ROBO2: variants seen among roughly 807,000 people sequenced by gnomAD.
ROBO2 encodes the protein roundabout guidance receptor 2, also known as roundabout homolog 2.
ROBO2 carries 53 observed loss-of-function variants against 160.8 expected under a neutral mutation model. The ratio of observed to expected loss-of-function variants is 0.33; its 90% confidence interval spans 0.26 to 0.41. The LOEUF (loss-of-function observed/expected upper bound fraction) is 0.41. Ranked by LOEUF, ROBO2 falls within the 10% of genes least tolerant of loss-of-function variation. ROBO2 has a pLI of 1.00. For missense variants in ROBO2, 1,577 were observed against 1,722.4 expected, an observed-to-expected ratio of 0.92 and a Z score of 1.49; for synonymous variants, 664 against 611.7, an observed-to-expected ratio of 1.09 and a Z score of -1.26.
At chr3:77,293,783 T>G (rs1196162412) in intron 2 of ROBO2, among the ~76,000 whole-genome samples, 1 of 140,992 alleles carries the variant, frequency 7.1e-6, no homozygotes, top group South Asian at 2.2e-4. Context: ...AAATTGATGG[T>G]TAAACGGGAA....
intron 2 of ROBO2, among the ~76,000 whole-genome samples, chr3:76,921,010 C>T (rs1004998319): frequency 6.6e-6 from 1 of 152,122 alleles, no homozygotes; most frequent in Admixed American, 6.6e-5. Flanking sequence ...ACAGTATTCT[C>T]TTTGTTGAGC....
intron 2 of ROBO2, among the ~76,000 whole-genome samples, chr3:76,690,680 A>C (rs1209799149): frequency 6.6e-6 from 1 of 152,030 alleles, no homozygotes; most frequent in African/African-American, 2.4e-5. Flanking sequence ...TCCCCTCTAG[A>C]TGAAAAGAGC....
chr3:77,394,247 T>C (rs2075042174), intron 2 of ROBO2, among the ~76,000 whole-genome samples: 1 of 152,202 alleles, frequency 6.6e-6, no homozygotes, highest in African/African-American at 2.4e-5. Context: ...CCTTGTTAGA[T>C]GCTTTCATGT....
intron 2 of ROBO2, among the ~76,000 whole-genome samples, chr3:76,628,486 C>G (rs2089819346): frequency 6.9e-6 from 1 of 145,956 alleles, no homozygotes; most frequent in Non-Finnish European, 1.5e-5. Context: ...CAGGCTTGTC[C>G]TAAACTCCTG....
At chr3:77,553,236 A>C (rs1157298150) in intron 8 of ROBO2, among the ~76,000 whole-genome samples, 1 of 151,856 alleles carries the variant, frequency 6.6e-6, no homozygotes, top group Non-Finnish European at 1.5e-5. Flanking sequence ...TACTACTATA[A>C]TTTTTGGGGG....
At chr3:77,237,411 T>TTGTGTGTGTGTGTGTGTGTGTGTGTG (rs71104662) in intron 2 of ROBO2, among the ~76,000 whole-genome samples, 1 of 131,046 alleles carries the variant, frequency 7.6e-6, no homozygotes, top group Non-Finnish European at 1.6e-5. Flanking sequence ...TTGTTTTGTT[T>TTGTGTGTGTGTGTGTGTGTGTGTGTG]TGTGTGTGTG....
At chr3:77,292,281 C>T (rs1224044047) in intron 2 of ROBO2, among the ~76,000 whole-genome samples, 1 of 151,350 alleles carries the variant, frequency 6.6e-6, no homozygotes, top group Admixed American at 6.6e-5. Context: ...GAGGCTAGAT[C>T]ACCCAGACAT....
intron 2 of ROBO2, among the ~76,000 whole-genome samples, chr3:77,239,633 G>A (rs1388345222): frequency 6.6e-6 from 1 of 152,142 alleles, no homozygotes; most frequent in African/African-American, 2.4e-5. Flanking sequence ...GGTGCCGATT[G>A]GTGCGTTTAC....
chr3:75,949,891 G>A (rs1425222056), intron 2 of ROBO2, among the ~76,000 whole-genome samples: 13 of 151,826 alleles, frequency 8.6e-5, no homozygotes, highest in Admixed American at 4.6e-4. Flanking sequence ...ATTTTTTCTC[G>A]TGTTTAATCA....
intron 2 of ROBO2, among the ~76,000 whole-genome samples, chr3:76,605,703 G>C (rs935283745): frequency 6.6e-6 from 1 of 152,092 alleles, no homozygotes; most frequent in African/African-American, 2.4e-5. Context: ...GAGGAAATTA[G>C]GGATATTTAA....
intron 2 of ROBO2, among the ~76,000 whole-genome samples, chr3:76,798,245 G>GAAAGA (rs1553909345): frequency 2.0e-5 from 1 of 50,242 alleles, no homozygotes; most frequent in South Asian, 6.3e-4. Context: ...AAGAAAAAAA[G>GAAAGA]AAGAAAGAAA....
chr3:76,791,684 C>T (rs2063363105), intron 2 of ROBO2, among the ~76,000 whole-genome samples: 1 of 151,742 alleles, frequency 6.6e-6, no homozygotes, highest in East Asian at 2.0e-4. Flanking sequence ...AACTAAGCTG[C>T]TCCCAAATTC....
chr3:77,639,568 A>G (rs2095317239), intron 24 of ROBO2, among the ~76,000 whole-genome samples: 1 of 152,190 alleles, frequency 6.6e-6, no homozygotes, highest in African/African-American at 2.4e-5. Context: ...GGAAATGAGA[A>G]TGGCAAGTGA....
At chr3:76,003,603 T>G (rs960149785) in intron 2 of ROBO2, among the ~76,000 whole-genome samples, 1 of 152,214 alleles carries the variant, frequency 6.6e-6, no homozygotes, top group African/African-American at 2.4e-5. Context: ...GCCTTTCATG[T>G]GTATGAGCTC....
intron 2 of ROBO2, among the ~76,000 whole-genome samples, chr3:76,299,378 G>A (rs777734086): frequency 4.6e-5 from 7 of 152,106 alleles, no homozygotes; most frequent in Non-Finnish European, 1.0e-4. Flanking sequence ...CAGAGTTAAA[G>A]TGGTTATTAG....
At chr3:75,998,864 A>G (rs2065802836) in intron 2 of ROBO2, among the ~76,000 whole-genome samples, 1 of 152,212 alleles carries the variant, frequency 6.6e-6, no homozygotes, top group Non-Finnish European at 1.5e-5. Flanking sequence ...CATTTGTAAA[A>G]TTGTTAAATA....
At chr3:75,998,985 G>A (rs915447066) in intron 2 of ROBO2, among the ~76,000 whole-genome samples, 1 of 152,124 alleles carries the variant, frequency 6.6e-6, no homozygotes, top group African/African-American at 2.4e-5. Context: ...AGTCGTGATT[G>A]TTAATATGTC....
intron 2 of ROBO2, among the ~76,000 whole-genome samples, chr3:76,843,627 T>C (rs964910204): frequency 1.3e-5 from 2 of 152,058 alleles, no homozygotes; most frequent in African/African-American, 4.8e-5. Context: ...GGACTATCCC[T>C]TCTCAGTGTC....
At chr3:77,606,158 A>G (rs537930113) in intron 20 of ROBO2, among the ~76,000 whole-genome samples, 1 of 152,234 alleles carries the variant, frequency 6.6e-6, no homozygotes, top group South Asian at 2.1e-4. Context: ...AGAAGTTGGG[A>G]GTAAAGAAAG....
Sources: gnomAD v4.1 joint callset for allele counts (sites outside exome capture counted in the v4.1 genomes callset) on GRCh38, gnomAD v4.1.1 for gene constraint, MANE v1.5 for transcripts, NCBI Gene and HGNC (gene_info 2026-07-23, HGNC 2026-07-21) for gene names.